The following UNC5D variants were observed in gnomAD, a reference collection of about 807,000 sequenced individuals.
The protein encoded by UNC5D is unc-5 netrin receptor D, also known as netrin receptor UNC5D.
UNC5D carries 39 observed loss-of-function variants against 105.4 expected under a neutral mutation model. The observed-to-expected ratio is 0.37, with a 90% CI of 0.29 to 0.48. The LOEUF (loss-of-function observed/expected upper bound fraction) is 0.48. Among genes scored for constraint, UNC5D ranks in the 20% least tolerant of loss-of-function variants. The pLI is 0.98. For synonymous variants in UNC5D, 452 were observed against 450.4 expected (o/e 1.00, Z -0.04); for missense variants, 991 against 1,202.4 (o/e 0.82, Z 2.60).
intron 1 of UNC5D, among the ~76,000 whole-genome samples, chr8:35,247,538 A>T (rs1397299313): frequency 8.2e-6 from 1 of 121,236 alleles, no homozygotes; most frequent in Non-Finnish European, 1.6e-5. Context: ...ATATATATGT[A>T]TAAAATATAT....
intron 1 of UNC5D, among the ~76,000 whole-genome samples, chr8:35,482,511 G>A (rs1246080805): frequency 6.6e-6 from 1 of 152,088 alleles, no homozygotes; most frequent in Non-Finnish European, 1.5e-5. Context: ...ACACTTTCTA[G>A]TCACTTTGCC....
At chr8:35,662,046 A>G (rs1296422706) in intron 4 of UNC5D, among the ~76,000 whole-genome samples, 1 of 152,182 alleles carries the variant, frequency 6.6e-6, no homozygotes, top group Non-Finnish European at 1.5e-5. Flanking sequence ...GGGTTGCAAA[A>G]TACATTTTCT....
chr8:35,246,416 T>G (rs562640162), intron 1 of UNC5D, among the ~76,000 whole-genome samples: 5 of 152,258 alleles, frequency 3.3e-5, no homozygotes, highest in African/African-American at 1.2e-4. Context: ...TATTTTTTTT[T>G]GTTTTGATTT....
At chr8:35,275,967 T>A (rs1563272120) in intron 1 of UNC5D, among the ~76,000 whole-genome samples, 1 of 152,186 alleles carries the variant, frequency 6.6e-6, no homozygotes, top group African/African-American at 2.4e-5. Context: ...ATGTACTGAG[T>A]CCATTGTTTG....
chr8:35,750,728 G>C lies in UNC5D; in HGVS notation c.2082G>C (p.Ala694=). Residue 694 remains alanine, a synonymous_variant, in exon 13 of 17, where the codon GCG becomes GCC. Transcript: ENST00000404895. ...TDCAVKQLKV[A]VFGCMSCNSL... Reference sequence around the variant, plus strand: ...GTGCCGTGAAGCAACTGAAGGTGGCGGTTTTTGGCTGCATGTCCTGTAACT... The same window carrying C: ...GTGCCGTGAAGCAACTGAAGGTGGCCGTTTTTGGCTGCATGTCCTGTAACT... 1 of 1,614,114 alleles carries C rather than the reference G, an allele frequency of 6.2e-7. No individual in the cohort carries two copies. The highest frequency in any genetic ancestry group is 1.6e-4 in the Middle Eastern group (1 of 6,062).
At chr8:35,553,851 T>G (rs1816339596) in intron 2 of UNC5D, among the ~76,000 whole-genome samples, 1 of 152,186 alleles carries the variant, frequency 6.6e-6, no homozygotes, top group Non-Finnish European at 1.5e-5. Flanking sequence ...GGCTTTTGAC[T>G]GGATTCGTAA....
At chr8:35,633,111 C>A (rs1822144193) in intron 4 of UNC5D, among the ~76,000 whole-genome samples, 1 of 152,192 alleles carries the variant, frequency 6.6e-6, no homozygotes, top group Non-Finnish European at 1.5e-5. Context: ...CCCAATAGCA[C>A]CCCTGACAGT....
intron 2 of UNC5D, among the ~76,000 whole-genome samples, chr8:35,556,510 G>T (rs1364479081): frequency 6.6e-6 from 1 of 152,106 alleles, no homozygotes; most frequent in Non-Finnish European, 1.5e-5. Flanking sequence ...CAAAGTAAAA[G>T]CAAGTTTATT....
At chr8:35,690,980 C>T (rs1007059225) in intron 7 of UNC5D, among the ~76,000 whole-genome samples, 1 of 152,142 alleles carries the variant, frequency 6.6e-6, no homozygotes, top group African/African-American at 2.4e-5. Context: ...CTTAGATGAC[C>T]TACATGTCTT....
intron 1 of UNC5D, among the ~76,000 whole-genome samples, chr8:35,301,250 A>G (rs1807935299): frequency 6.6e-6 from 1 of 152,234 alleles, no homozygotes; most frequent in Admixed American, 6.5e-5. Context: ...TCAACCTGCA[A>G]GAGTTCCCAA....
intron 1 of UNC5D, among the ~76,000 whole-genome samples, chr8:35,299,261 G>A (rs761009788): frequency 2.7e-4 from 41 of 152,200 alleles, no homozygotes; most frequent in Non-Finnish European, 4.9e-4. Flanking sequence ...TGACCAAACT[G>A]GCAACGTTGG....
At chr8:35,566,543 T>C (rs1044756755) in intron 2 of UNC5D, among the ~76,000 whole-genome samples, 14 of 152,216 alleles carry the variant, frequency 9.2e-5, no homozygotes, top group African/African-American at 3.1e-4. Context: ...AGGAACAGAA[T>C]TGAATTGTTA....
At chr8:35,464,342 A>AT (rs1187204739) in intron 1 of UNC5D, among the ~76,000 whole-genome samples, 1 of 152,010 alleles carries the variant, frequency 6.6e-6, no homozygotes, top group Non-Finnish European at 1.5e-5. Flanking sequence ...AATAATAATA[A>AT]TAATAAAAAA....
intron 1 of UNC5D, among the ~76,000 whole-genome samples, chr8:35,358,617 C>T (rs1293678789): frequency 6.6e-6 from 1 of 152,144 alleles, no homozygotes; most frequent in African/African-American, 2.4e-5. Flanking sequence ...AACAAATCTA[C>T]ATATCCTGCA....
At chr8:35,633,578 T>G (rs1015939080) in intron 4 of UNC5D, among the ~76,000 whole-genome samples, 1 of 151,930 alleles carries the variant, frequency 6.6e-6, no homozygotes, top group African/African-American at 2.4e-5. Context: ...TGAGACCTCA[T>G]CTCTACAAAA....
chr8:35,632,823 C>T (rs1822125157), intron 4 of UNC5D, among the ~76,000 whole-genome samples: 1 of 152,200 alleles, frequency 6.6e-6, no homozygotes, highest in Non-Finnish European at 1.5e-5. Flanking sequence ...GGTGTGTGGT[C>T]TAACCTGTTC....
At chr8:35,762,467 C>A (rs55941225) in intron 14 of UNC5D, among the ~76,000 whole-genome samples, 4,819 of 152,242 alleles carry the variant, frequency 0.032, 269 homozygotes, top group African/African-American at 0.11. Context: ...AGCCACTGAC[C>A]TTGGTTCAAA....
chr8:35,431,758 T>C (rs537649252), intron 1 of UNC5D, among the ~76,000 whole-genome samples: 3 of 152,264 alleles, frequency 2.0e-5, no homozygotes, highest in South Asian at 4.1e-4. Flanking sequence ...ATTTTTGATA[T>C]CACAGTACAT....
intron 4 of UNC5D, among the ~76,000 whole-genome samples, chr8:35,651,157 G>T (rs1358921959): frequency 6.6e-6 from 1 of 152,180 alleles, no homozygotes. Flanking sequence ...TCTGATATCT[G>T]TGTATTATTA....
Sources: allele counts gnomAD v4.1 joint callset (sites outside exome capture counted in the v4.1 genomes callset), GRCh38; gene constraint gnomAD v4.1.1; transcripts MANE v1.5; gene names NCBI Gene and HGNC (gene_info 2026-07-23, HGNC 2026-07-21).